AUTS2: variants seen among roughly 807,000 people sequenced by gnomAD.
AUTS2 encodes autism susceptibility gene 2 protein.
In AUTS2, 17 loss-of-function variants were observed where a neutral mutation model predicts 112.4. The observed-to-expected ratio is 0.15, with a 90% confidence interval of 0.10 to 0.23. The LOEUF is 0.23. Among genes scored for constraint, AUTS2 ranks in the 10% least tolerant of loss-of-function variants. The pLI is 1.00. For missense variants in AUTS2, 1,510 were observed against 1,701.6 expected, an observed-to-expected ratio of 0.89 and a Z score of 1.98; for synonymous variants, 751 against 702.7, an observed-to-expected ratio of 1.07 and a Z score of -1.09.
chr7:69,938,231 TCC>T (rs1796490730), intron 2 of AUTS2, among the ~76,000 whole-genome samples: 1 of 152,168 alleles, frequency 6.6e-6, no homozygotes, highest in African/African-American at 2.4e-5. Flanking sequence ...CCCCTTGTCC[TCC>T]CAGGCATTCC....
At chr7:70,078,952 T>C (rs182102152) in intron 2 of AUTS2, among the ~76,000 whole-genome samples, 34 of 152,346 alleles carry the variant, frequency 2.2e-4, no homozygotes, top group African/African-American at 8.2e-4. Context: ...TAACTGTTAA[T>C]GTCAAGACTA....
Position 70,790,382 on chromosome 7 carries a change from C to T in AUTS2, c.3166C>T (p.Pro1056Ser). ...MTPFMGISPL[P>S]GGERFPYPSF... Reference sequence around the variant, plus strand: ...CCCCTTCATGGGCATCAGCCCCCTCCCGGGCGGAGAGCGCTTCCCGTACCC... The same window carrying T: ...CCCCTTCATGGGCATCAGCCCCCTCTCGGGCGGAGAGCGCTTCCCGTACCC... Residue 1056 changes from proline (P) to serine (S), a missense_variant, in exon 19 of 19, where the codon CCG (proline) becomes TCG (serine). By Grantham distance (74) the Pro-to-Ser change is moderately conservative (BLOSUM62 -1). Transcript: ENST00000342771. The surrounding 1 kb of genome is among the most constrained non-coding windows in gnomAD (Gnocchi z 7.6). The T allele has an allele frequency of 1.2e-6, 2 of 1,613,866 alleles. No homozygotes were observed. The highest frequency in any genetic ancestry group is 1.7e-6 in the Non-Finnish European group (2 of 1,179,988).
intron 1 of AUTS2, among the ~76,000 whole-genome samples, chr7:69,823,729 A>G (rs919382879): frequency 6.6e-6 from 1 of 152,200 alleles, no homozygotes; most frequent in East Asian, 1.9e-4. Flanking sequence ...CATAAAAGGA[A>G]GCACTTACTG....
intron 2 of AUTS2, among the ~76,000 whole-genome samples, chr7:69,965,514 G>A (rs1797602789): frequency 1.3e-5 from 2 of 152,234 alleles, no homozygotes; most frequent in East Asian, 1.9e-4. Flanking sequence ...AGTTCAATAC[G>A]CTATAGATGC....
intron 5 of AUTS2, among the ~76,000 whole-genome samples, chr7:70,627,961 T>C (rs1233532442): frequency 1.3e-5 from 2 of 152,154 alleles, no homozygotes; most frequent in Admixed American, 1.3e-4. Flanking sequence ...GCCCTGAAAG[T>C]TGCATGGAAG....
At chr7:70,078,696 A>G (rs1803156248) in intron 2 of AUTS2, among the ~76,000 whole-genome samples, 1 of 152,206 alleles carries the variant, frequency 6.6e-6, no homozygotes. Flanking sequence ...CAACCCCTGA[A>G]GGGAGAAAGG....
chr7:70,087,055 A>G (rs1258441410), intron 2 of AUTS2, among the ~76,000 whole-genome samples: 2 of 151,656 alleles, frequency 1.3e-5, no homozygotes, highest in Non-Finnish European at 2.9e-5. Flanking sequence ...AACTCATATT[A>G]TGGGGAAGCA....
At chr7:70,547,430 T>C (rs1299676551) in intron 5 of AUTS2, among the ~76,000 whole-genome samples, 1 of 152,052 alleles carries the variant, frequency 6.6e-6, no homozygotes, top group Non-Finnish European at 1.5e-5. Context: ...AATTTTTGTG[T>C]TTGTAATAGA....
intron 5 of AUTS2, among the ~76,000 whole-genome samples, chr7:70,457,356 A>C (rs937570738): frequency 2.0e-5 from 3 of 152,138 alleles, no homozygotes; most frequent in Non-Finnish European, 4.4e-5. Context: ...TAAAAATGCC[A>C]GTGATCACCG....
intron 2 of AUTS2, among the ~76,000 whole-genome samples, chr7:69,928,580 T>C (rs1328937385): frequency 6.6e-6 from 1 of 152,118 alleles, no homozygotes; most frequent in African/African-American, 2.4e-5. Context: ...AGCATGACCC[T>C]GAGTGTGCAC....
intron 4 of AUTS2, among the ~76,000 whole-genome samples, chr7:70,141,368 G>A (rs545637486): frequency 6.6e-6 from 1 of 152,262 alleles, no homozygotes; most frequent in Admixed American, 6.5e-5. Flanking sequence ...CTTGGAGTTA[G>A]TCCCCAGAAG....
chr7:70,483,027 C>T (rs922151970), intron 5 of AUTS2, among the ~76,000 whole-genome samples: 1 of 151,902 alleles, frequency 6.6e-6, no homozygotes, highest in Admixed American at 6.6e-5. Flanking sequence ...TCTGCATGGC[C>T]CCTTCTTTGT....
chr7:69,935,336 T>C (rs1309107918), intron 2 of AUTS2, among the ~76,000 whole-genome samples: 1 of 152,024 alleles, frequency 6.6e-6, no homozygotes, highest in Admixed American at 6.6e-5. Context: ...TGAACCTAGG[T>C]TTGGGCCTGG....
rs1046713854 is a variant in AUTS2, at chr7:69,861,983, G to A, written c.310-37303G>A. On this transcript the variant is annotated intron_variant, in intron 1 of 18. Transcript: ENST00000342771. The stretch of plus-strand genomic sequence containing the variant: ...AACCAAGTTTTTGAGTTAGTCTCTC[G>A]TGTGGTTTTGAATTTAACATTGAAC... Among the ~76,000 whole-genome samples the A allele has an allele frequency of 6.6e-5, 10 of 152,174 alleles. 1 individual carries two copies. The highest frequency in any genetic ancestry group is 4.1e-4 in the South Asian group (2 of 4,824).
At chr7:70,372,565 G>A (rs1276422432) in intron 4 of AUTS2, among the ~76,000 whole-genome samples, 1 of 152,012 alleles carries the variant, frequency 6.6e-6, no homozygotes, top group Non-Finnish European at 1.5e-5. Context: ...GACCTGTCTG[G>A]TAGCACATCC....
chr7:70,596,114 C>A (rs1315873064), intron 5 of AUTS2: 1 of 152,722 alleles, frequency 6.5e-6, no homozygotes, highest in Non-Finnish European at 1.5e-5. Flanking sequence ...TTGCAGTCTT[C>A]TGAGCTAATT....
intron 2 of AUTS2, among the ~76,000 whole-genome samples, chr7:69,968,699 T>C (rs1338632717): frequency 2.0e-5 from 3 of 152,184 alleles, no homozygotes; most frequent in African/African-American, 7.2e-5. Flanking sequence ...TGAGGCTCTA[T>C]AGAATGGAAC....
At chr7:69,848,010 C>T (rs1159553148) in intron 1 of AUTS2, among the ~76,000 whole-genome samples, 1 of 152,090 alleles carries the variant, frequency 6.6e-6, no homozygotes, top group Non-Finnish European at 1.5e-5. Flanking sequence ...TCTGATTCTG[C>T]AGAGAGAGAA....
intron 5 of AUTS2, among the ~76,000 whole-genome samples, chr7:70,645,448 GGT>G (rs1806106055): frequency 1.3e-5 from 2 of 151,952 alleles, no homozygotes; most frequent in African/African-American, 2.4e-5. Flanking sequence ...ACCACCAGAT[GGT>G]CTGGTGCTGC....
Sources: gnomAD v4.1 joint callset for allele counts (sites outside exome capture counted in the v4.1 genomes callset) on GRCh38, gnomAD v4.1.1 for gene constraint, Gnocchi (gnomAD v3.1) non-coding constraint, MANE v1.5 for transcripts, NCBI Gene and HGNC (gene_info 2026-07-23, HGNC 2026-07-21) for gene names.